The following NGF variants were observed in gnomAD, a reference collection of about 807,000 sequenced individuals.
NGF encodes nerve growth factor.
A neutral mutation model predicts 12.8 loss-of-function variants in NGF; 4 were observed. That is an observed-to-expected ratio of 0.31 (90% CI 0.15 to 0.72). The LOEUF is 0.72. Ranked by LOEUF, NGF falls within the 30% of genes least tolerant of loss-of-function variation. The pLI is 0.69. For synonymous variants in NGF, 140 were observed against 130.0 expected (o/e 1.08, Z -0.52); for missense variants, 283 against 330.8 (o/e 0.86, Z 1.12).
rs1409051848 is a variant in NGF at position 115,286,424 on chromosome 1, G to C, written c.372C>G (p.Ser124=). ...NRTHRSKRSS[S]HPIFHRGEFS... ...ATTCGCCCCTGTGGAAGATGGGATGGGATGATGACCGCTTGCTCCTGTGAG... is the reference window on the plus strand; with the variant it reads ...ATTCGCCCCTGTGGAAGATGGGATGCGATGATGACCGCTTGCTCCTGTGAG... Residue 124 remains serine (S), a synonymous_variant, in exon 3 of 3, where the codon TCC becomes TCG. Transcript: ENST00000369512. 1 of 1,613,642 alleles carries C rather than the reference G, an allele frequency of 6.2e-7. No homozygotes were observed. Among genetic ancestry groups the C allele is most frequent in the Non-Finnish European group, 8.5e-7 (1 of 1,179,976 alleles).
intron 1 of NGF, among the ~76,000 whole-genome samples, chr1:115,294,637 A>G (rs900084308): frequency 3.9e-5 from 6 of 152,256 alleles, no homozygotes; most frequent in African/African-American, 1.4e-4. Flanking sequence ...TGCAGGATGT[A>G]TCGAGGGGCC....
chr1:115,296,526 G>C (rs1653876181), intron 1 of NGF, among the ~76,000 whole-genome samples: 1 of 152,200 alleles, frequency 6.6e-6, no homozygotes, highest in African/African-American at 2.4e-5. Context: ...AACCACAATA[G>C]ATTCCCTGGC....
intron 1 of NGF, among the ~76,000 whole-genome samples, chr1:115,310,692 A>C (rs914066938): frequency 7.9e-5 from 12 of 152,218 alleles, no homozygotes; most frequent in African/African-American, 2.9e-4. Flanking sequence ...TTGAGAACTC[A>C]GATTCTCCTT....
chr1:115,316,466 A>G (rs1447920722), intron 1 of NGF, among the ~76,000 whole-genome samples: 1 of 152,226 alleles, frequency 6.6e-6, no homozygotes, highest in African/African-American at 2.4e-5. Context: ...TGAAAATTAT[A>G]TAGCTAATGA....
chr1:115,331,946 G>A (rs972552123), intron 1 of NGF, among the ~76,000 whole-genome samples: 18 of 152,208 alleles, frequency 1.2e-4, no homozygotes, highest in African/African-American at 3.6e-4. Flanking sequence ...CCTGTGGGGC[G>A]AGGACAATCT....
At position 115,317,654 on chromosome 1, in the gene NGF, G is replaced by A. The variant is rs78933216; in HGVS notation, c.-137+20550C>T. 2.5e-3 allele frequency among the ~76,000 whole-genome samples: 385 copies of A among 152,210 alleles called. 2 individuals are homozygous for A. Among genetic ancestry groups the A allele is most frequent in the African/African-American group, 9.1e-3 (376 of 41,542 alleles). On this transcript the variant is annotated intron_variant, in intron 1 of 2. Coordinates refer to ENST00000369512, the MANE Select transcript of NGF (RefSeq NM_002506.3). Reference sequence around the variant, plus strand: ...AGAATAATTTGCTCTTTATCAGAGCGCTCTTCACCTGGGATTGATAAGAAG... The same window carrying A: ...AGAATAATTTGCTCTTTATCAGAGCACTCTTCACCTGGGATTGATAAGAAG...
chr1:115,334,253 G>A, intron 1 of NGF, among the ~76,000 whole-genome samples: 1 of 152,048 alleles, frequency 6.6e-6, no homozygotes, highest in East Asian at 1.9e-4. Flanking sequence ...GTCAGTGTTG[G>A]GGGCTTCTGC....
chr1:115,312,081 A>G (rs778256599), intron 1 of NGF, among the ~76,000 whole-genome samples: 1 of 152,238 alleles, frequency 6.6e-6, no homozygotes, highest in African/African-American at 2.4e-5. Context: ...AGTTGTGTCT[A>G]TAAGTAGAGA....
intron 1 of NGF, among the ~76,000 whole-genome samples, chr1:115,325,864 T>C (rs1654759131): frequency 6.6e-6 from 1 of 152,164 alleles, no homozygotes; most frequent in Non-Finnish European, 1.5e-5. Flanking sequence ...CAAGTATGGT[T>C]TCTAGATTAC....
intron 1 of NGF, among the ~76,000 whole-genome samples, chr1:115,302,032 G>C (rs912790700): frequency 2.0e-5 from 3 of 152,236 alleles, no homozygotes; most frequent in Non-Finnish European, 2.9e-5. Flanking sequence ...GGTCTTAGGA[G>C]TATTTCTATC....
At chr1:115,299,051 C>T (rs1653957248) in intron 1 of NGF, among the ~76,000 whole-genome samples, 1 of 152,046 alleles carries the variant, frequency 6.6e-6, no homozygotes, top group African/African-American at 2.4e-5. Flanking sequence ...ATGAGGTTTG[C>T]TGAGAAGGAG....
At position 115,337,267 on chromosome 1, in the gene NGF, GTTTTTT is replaced by G. The variant is rs67307707; in HGVS notation, c.-137+931_-137+936del. On this transcript the variant is annotated intron_variant, in intron 1 of 2. Coordinates refer to ENST00000369512, the MANE Select transcript of NGF (RefSeq NM_002506.3). ...TCGAAATTTTTTTTGTTTTGTTTTT[GTTTTTT>G]TTTTTTTTTTTTTTTTTTTTTTTTT... Among the ~76,000 whole-genome samples the G allele has an allele frequency of 4.1e-4, 33 of 81,030 alleles. 6 individuals carry two copies. The highest frequency in any genetic ancestry group is 2.2e-3 in the East Asian group (6 of 2,722). 53.2% of individuals were successfully genotyped at this position (81,030 alleles called of 152,430 possible).
chr1:115,332,695 T>C (rs776507212), intron 1 of NGF, among the ~76,000 whole-genome samples: 31 of 152,166 alleles, frequency 2.0e-4, no homozygotes, highest in Non-Finnish European at 3.5e-4. Flanking sequence ...CTACTACTAA[T>C]ATCTTTGTCT....
intron 1 of NGF, among the ~76,000 whole-genome samples, chr1:115,308,786 T>C (rs889430927): frequency 3.3e-5 from 5 of 152,004 alleles, no homozygotes; most frequent in Non-Finnish European, 1.5e-5. Flanking sequence ...AGAGTGAAAA[T>C]GAAGAAGCAC....
chr1:115,292,247 A>G (rs928989249), intron 2 of NGF, among the ~76,000 whole-genome samples: 1 of 152,178 alleles, frequency 6.6e-6, no homozygotes, highest in Non-Finnish European at 1.5e-5. Flanking sequence ...AGGCATCGAC[A>G]GAGTAAAATC....
At position 115,337,706 on chromosome 1, in the gene NGF, C is replaced by A. The variant is rs574137468; in HGVS notation, c.-137+498G>T. Among the ~76,000 whole-genome samples the A allele has an allele frequency of 7.2e-4, 109 of 152,232 alleles. 1 individual carries two copies. In the Middle Eastern group the frequency reaches 0.014, roughly 19 times the overall value. ...TAGCGCGCCCCGTTCCGCTCCTCCC[C>A]CTACCTGGGGGCCGCGCAGCACTTT... is the stretch of plus-strand genomic sequence containing the variant. On this transcript the variant is annotated intron_variant, in intron 1 of 2. Transcript: ENST00000369512.
chr1:115,333,877 T>C (rs1283967728), intron 1 of NGF, among the ~76,000 whole-genome samples: 1 of 151,380 alleles, frequency 6.6e-6, no homozygotes, highest in Non-Finnish European at 1.5e-5. Flanking sequence ...TCATTTGAAA[T>C]CAGCGCCAAG....
chr1:115,325,616 G>T (rs1474767460), intron 1 of NGF, among the ~76,000 whole-genome samples: 1 of 152,112 alleles, frequency 6.6e-6, no homozygotes, highest in Non-Finnish European at 1.5e-5. Flanking sequence ...GCTCAGAGCT[G>T]GGAAAAACCA....
intron 1 of NGF, among the ~76,000 whole-genome samples, chr1:115,334,417 C>T (rs577073387): frequency 9.9e-5 from 15 of 152,272 alleles, no homozygotes; most frequent in African/African-American, 2.9e-4. Context: ...CTAATAGCAC[C>T]TGTCCCTTCA....
Sources: allele counts gnomAD v4.1 joint callset (sites outside exome capture counted in the v4.1 genomes callset), GRCh38; gene constraint gnomAD v4.1.1; transcripts MANE v1.5; gene names NCBI Gene and HGNC (gene_info 2026-07-23, HGNC 2026-07-21).